Variants in HSD17B11 observed in about 807,000 individuals in gnomAD.
HSD17B11 encodes hydroxysteroid 17-beta dehydrogenase 11, also known as estradiol 17-beta-dehydrogenase 11.
Under a neutral mutation model 27.8 loss-of-function variants are expected in HSD17B11, and 22 were observed. The observed-to-expected ratio is 0.79, with a 90% CI of 0.56 to 1.13. HSD17B11 has a LOEUF of 1.13. Among genes scored for constraint, HSD17B11 ranks in the 50% most tolerant of loss-of-function variants. The pLI is 0.00. For missense variants in HSD17B11, 314 were observed against 351.1 expected (o/e 0.89, Z 0.84); for synonymous variants, 117 against 132.8 (o/e 0.88, Z 0.82).
chr4:87,375,292 T>C (rs1735798170), intron 2 of HSD17B11, among the ~76,000 whole-genome samples: 2 of 152,352 alleles, frequency 1.3e-5, no homozygotes. Flanking sequence ...TTTTATTTTA[T>C]GCACTTATGT....
intron 5 of HSD17B11, among the ~76,000 whole-genome samples, chr4:87,342,172 C>G (rs566185127): frequency 1.0e-3 from 159 of 152,084 alleles, no homozygotes; most frequent in Middle Eastern, 3.4e-3. Flanking sequence ...CACTTGAGGT[C>G]AGGAGTCTGA....
chr4:87,357,472 TC>T, intron 4 of HSD17B11, 56 bp from the exon 5 acceptor site: 2 of 1,544,926 alleles, frequency 1.3e-6, no homozygotes, highest in Non-Finnish European at 1.8e-6. Flanking sequence ...CTGCCTGTTT[TC>T]CTCAGTTCAG....
chr4:87,367,515 T>C (rs1317530861), intron 4 of HSD17B11, among the ~76,000 whole-genome samples: 1 of 152,214 alleles, frequency 6.6e-6, no homozygotes, highest in Non-Finnish European at 1.5e-5. Flanking sequence ...TTAAAAAGCC[T>C]GTGTGAAAAA....
In HSD17B11 at chr4:87,357,272, A is replaced by G. The variant is rs369056601; in HGVS notation, c.695+7T>C. The G allele has an allele frequency of 5.0e-5, 80 of 1,609,534 alleles. No individual in the cohort carries two copies. Among genetic ancestry groups the G allele is most frequent in the Admixed American group, 3.4e-5 (2 of 59,018 alleles). On this transcript the variant is annotated splice_region_variant and intron_variant, in intron 5 of 6. Coordinates refer to ENST00000358290, the MANE Select transcript of HSD17B11 (RefSeq NM_016245.5). ...ACCAATCCTTTTGTCTCAATTTCTCAACTTACCTTGTACTTGGATTTTTGA... is the reference window on the plus strand; with the variant it reads ...ACCAATCCTTTTGTCTCAATTTCTCGACTTACCTTGTACTTGGATTTTTGA...
chr4:87,378,831 A>AAAT, intron 2 of HSD17B11, among the ~76,000 whole-genome samples: 1 of 21,910 alleles, frequency 4.6e-5, no homozygotes, highest in Admixed American at 7.5e-4. Context: ...TATATATATA[A>AAAT]ATATATATAT....
chr4:87,390,855 T>C lies in HSD17B11; in HGVS notation c.210+6A>G, dbSNP rs552976733. On this transcript the variant is annotated splice_donor_region_variant and intron_variant, in intron 1 of 6. Transcript: ENST00000358290. ...CCAGAAAGTAAAACATAGTAAACAC[T>C]GTTACCTTATTTATATCCCAGAGAA... 6 of 1,612,508 alleles carry C rather than the reference T, an allele frequency of 3.7e-6. No individual in the cohort carries two copies. The highest frequency in any genetic ancestry group is 1.1e-5 in the South Asian group (1 of 91,050).
intron 4 of HSD17B11, among the ~76,000 whole-genome samples, chr4:87,361,783 T>C (rs1197744620): frequency 3.9e-5 from 6 of 152,060 alleles, no homozygotes; most frequent in Non-Finnish European, 7.4e-5. Context: ...AAATAAACTT[T>C]CTTTCACTTT....
chr4:87,344,907 G>A (rs1735240981), intron 5 of HSD17B11, among the ~76,000 whole-genome samples: 1 of 152,128 alleles, frequency 6.6e-6, no homozygotes, highest in South Asian at 2.1e-4. Flanking sequence ...TGAGACAAAT[G>A]AGAAACCACA....
intron 5 of HSD17B11, among the ~76,000 whole-genome samples, chr4:87,344,681 A>G (rs1347522215): frequency 6.6e-6 from 1 of 152,192 alleles, no homozygotes; most frequent in Non-Finnish European, 1.5e-5. Context: ...CATCCCAACA[A>G]CAGCAGAATA....
At position 87,340,344 on chromosome 4, in the gene HSD17B11, C is replaced by T. The variant is rs150342784; in HGVS notation, c.812+146G>A. 46 of 495,124 alleles carry T rather than the reference C, an allele frequency of 9.3e-5. No individual in the cohort carries two copies. The East Asian group carries it at 1.4e-3, about 15-fold the overall frequency. The allele number at this position is 495,124 out of a possible 1,614,324, so 30.7% of individuals were successfully genotyped here. A position where few individuals can be genotyped will look rare whatever the true frequency, so the allele number is the denominator to read the frequency against. On this transcript the variant is annotated intron_variant, in intron 6 of 6. Coordinates refer to ENST00000358290, the MANE Select transcript of HSD17B11 (RefSeq NM_016245.5). Reference sequence around the variant, plus strand: ...TACCCAAGAGCTGTATCAATCTTGCCTCAATGTTATTGAGCCTGTTATTTT... The same window carrying T: ...TACCCAAGAGCTGTATCAATCTTGCTTCAATGTTATTGAGCCTGTTATTTT...
intron 4 of HSD17B11, among the ~76,000 whole-genome samples, chr4:87,361,166 A>G (rs529034797): frequency 3.3e-5 from 5 of 152,272 alleles, no homozygotes; most frequent in Admixed American, 3.3e-4. Context: ...TATAGGTCAT[A>G]AAGACCTTGC....
At chr4:87,373,347 A>AC (rs1415403944) in intron 3 of HSD17B11, 1 of 151,712 alleles carries the variant, frequency 6.6e-6, no homozygotes, top group Non-Finnish European at 1.5e-5. Context: ...AAAAAAAAAA[A>AC]ATTGCTAAAT....
intron 6 of HSD17B11, 83 bp downstream of exon 6, chr4:87,340,407 G>A (rs145005602): frequency 1.7e-4 from 141 of 829,368 alleles, no homozygotes; most frequent in Admixed American, 2.7e-4. Context: ...TTTATCAACT[G>A]CCTGATTTAA....
chr4:87,343,974 G>A (rs1735220699), intron 5 of HSD17B11, among the ~76,000 whole-genome samples: 1 of 152,168 alleles, frequency 6.6e-6, no homozygotes, highest in South Asian at 2.1e-4. Flanking sequence ...CAGTTTAGTA[G>A]CATTTGTTGA....
At chr4:87,382,930 A>C (rs928376667) in intron 1 of HSD17B11, among the ~76,000 whole-genome samples, 9 of 152,204 alleles carry the variant, frequency 5.9e-5, no homozygotes, top group Non-Finnish European at 1.2e-4. Flanking sequence ...GTTAAGTAGG[A>C]CCACGTAATA....
chr4:87,376,094 C>A (rs990603895), intron 2 of HSD17B11, among the ~76,000 whole-genome samples: 1 of 152,224 alleles, frequency 6.6e-6, no homozygotes, highest in Non-Finnish European at 1.5e-5. Context: ...ATCTAGTACA[C>A]ACAGTAAACT....
At chr4:87,356,343 A>C (rs1735386866) in intron 5 of HSD17B11, among the ~76,000 whole-genome samples, 1 of 152,270 alleles carries the variant, frequency 6.6e-6, no homozygotes, top group Non-Finnish European at 1.5e-5. Flanking sequence ...TGCTGTTAAA[A>C]ATCCAGAACA....
At chr4:87,388,249 T>C (rs924393931) in intron 1 of HSD17B11, among the ~76,000 whole-genome samples, 1 of 151,940 alleles carries the variant, frequency 6.6e-6, no homozygotes, top group Non-Finnish European at 1.5e-5. Flanking sequence ...GTATACTATA[T>C]AAAAATTATT....
At chr4:87,363,428 C>G (rs1030770294) in intron 4 of HSD17B11, among the ~76,000 whole-genome samples, 15 of 152,140 alleles carry the variant, frequency 9.9e-5, no homozygotes, top group African/African-American at 3.6e-4. Flanking sequence ...AGGGGTACTT[C>G]AGGATAAAAC....
Sources: allele counts gnomAD v4.1 joint callset (sites outside exome capture counted in the v4.1 genomes callset), GRCh38; gene constraint gnomAD v4.1.1; transcripts MANE v1.5; gene names NCBI Gene and HGNC (gene_info 2026-07-23, HGNC 2026-07-21).